TNFSF4: variants seen among roughly 807,000 people sequenced by gnomAD.
TNFSF4 encodes TNF superfamily member 4.
A neutral mutation model predicts 7.3 loss-of-function variants in TNFSF4; 4 were observed. That is an observed-to-expected ratio of 0.55 (90% CI 0.27 to 1.25). TNFSF4 has a LOEUF of 1.25. Ranked by LOEUF, TNFSF4 falls within the 50% of genes most tolerant of loss-of-function variation. The pLI, the probability that TNFSF4 is intolerant of heterozygous loss-of-function variation, is 0.12. For synonymous variants in TNFSF4, 76 were observed against 83.7 expected, an observed-to-expected ratio of 0.91 and a Z score of 0.50; for missense variants, 181 against 208.8, an observed-to-expected ratio of 0.87 and a Z score of 0.82.
chr1:173,215,808 C>T, the TNFSF4 span, among the ~76,000 whole-genome samples: 1 of 152,136 alleles, frequency 6.6e-6, no homozygotes, highest in African/African-American at 2.4e-5. Context: ...ATGGGATTTA[C>T]CTCTTGGGGT....
the TNFSF4 span, among the ~76,000 whole-genome samples, chr1:173,303,658 G>C: frequency 6.6e-6 from 1 of 151,722 alleles, no homozygotes; most frequent in Non-Finnish European, 1.5e-5. Context: ...AGTGAATAAC[G>C]TAAAAAACAT....
downstream of TNFSF4, among the ~76,000 whole-genome samples, chr1:173,180,801 T>A (rs183179816): frequency 2.0e-5 from 3 of 152,314 alleles, no homozygotes; most frequent in Admixed American, 1.3e-4. Flanking sequence ...TTGAAGTGCA[T>A]CTAGGTAATG....
At chr1:173,210,118 T>TA (rs556575284), upstream of TNFSF4, among the ~76,000 whole-genome samples, 212 of 151,926 alleles carry the variant, frequency 1.4e-3, 2 homozygotes, top group African/African-American at 4.4e-3. Flanking sequence ...TTTTTGGTGA[T>TA]AAAAAAAATC....
Position 173,197,602 on chromosome 1 carries a change from C to A in TNFSF4, c.154-9033G>T, listed in dbSNP as rs150208773. 4.0e-3 allele frequency among the ~76,000 whole-genome samples: 609 copies of A among 152,220 alleles called. 9 individuals carry two copies. The highest frequency in any genetic ancestry group is 0.025 in the South Asian group (122 of 4,818). ...AACTAACACAGGAACAGAAAAACAC[C>A]GCATGTTCTCACTTATAAGTGGGAG... is the stretch of plus-strand genomic sequence containing the variant. On this transcript the variant is annotated intron_variant, in intron 1 of 2. Coordinates refer to ENST00000281834, the MANE Select transcript of TNFSF4 (RefSeq NM_003326.5).
At chr1:173,364,142 AATAAAAATATC>A in the TNFSF4 span, among the ~76,000 whole-genome samples, 1 of 151,726 alleles carries the variant, frequency 6.6e-6, no homozygotes, top group Non-Finnish European at 1.5e-5. Context: ...ATAGGGAAAG[AATAAAAATATC>A]CTAAATGTCT....
the TNFSF4 span, among the ~76,000 whole-genome samples, chr1:173,357,600 C>T: frequency 2.6e-5 from 4 of 151,972 alleles, no homozygotes; most frequent in East Asian, 5.8e-4. Flanking sequence ...GGTGCAATGT[C>T]GGCTCACTGC....
At chr1:173,188,436 G>T (rs1208459032) in intron 2 of TNFSF4, 85 bp downstream of exon 2, 2 of 1,068,594 alleles carry the variant, frequency 1.9e-6, no homozygotes, top group Non-Finnish European at 2.8e-6. Context: ...GAAAAGAAGA[G>T]ATCTTGTGTT....
At chr1:173,220,250 G>A in the TNFSF4 span, among the ~76,000 whole-genome samples, 30,671 of 151,930 alleles carry the variant, frequency 0.2, 3,223 homozygotes, top group Middle Eastern at 0.26. Flanking sequence ...GGATCTCAGG[G>A]CTCAGAATAT....
chr1:173,381,455 G>A, the TNFSF4 span, among the ~76,000 whole-genome samples: 12 of 152,160 alleles, frequency 7.9e-5, no homozygotes, highest in Non-Finnish European at 1.8e-4. Context: ...CAGCCATCTT[G>A]CTATTACTTG....
the TNFSF4 span, among the ~76,000 whole-genome samples, chr1:173,409,787 AG>A: frequency 6.6e-6 from 1 of 152,262 alleles, no homozygotes; most frequent in African/African-American, 2.4e-5. Context: ...CGCTGGCAGG[AG>A]GATGAAGGGG....
chr1:173,381,348 C>T, the TNFSF4 span, among the ~76,000 whole-genome samples: 3 of 152,204 alleles, frequency 2.0e-5, no homozygotes, highest in Non-Finnish European at 4.4e-5. Context: ...CCGACATTTA[C>T]AGGAAAAGGC....
the TNFSF4 span, among the ~76,000 whole-genome samples, chr1:173,358,409 G>GA: frequency 6.6e-6 from 1 of 152,112 alleles, no homozygotes; most frequent in African/African-American, 2.4e-5. Context: ...AAAATGAAAA[G>GA]AAAAAATATT....
the TNFSF4 span, among the ~76,000 whole-genome samples, chr1:173,430,986 A>G: frequency 6.6e-6 from 1 of 152,226 alleles, no homozygotes; most frequent in South Asian, 2.1e-4. Flanking sequence ...CCAAAGTGGT[A>G]AATTTGAATT....
the TNFSF4 span, among the ~76,000 whole-genome samples, chr1:173,257,111 T>C: frequency 2.6e-5 from 4 of 152,368 alleles, no homozygotes; most frequent in Middle Eastern, 3.4e-3. Context: ...CACTATCCAA[T>C]GCTTCTACTT....
the TNFSF4 span, among the ~76,000 whole-genome samples, chr1:173,336,041 C>T: frequency 1.3e-5 from 2 of 152,158 alleles, no homozygotes. Context: ...AGTCCTGACC[C>T]CATCATGTAG....
chr1:173,224,238 C>T, the TNFSF4 span, among the ~76,000 whole-genome samples: 6 of 152,156 alleles, frequency 3.9e-5, no homozygotes, highest in African/African-American at 1.4e-4. Context: ...AACTAGAAGA[C>T]TAGATGTACG....
intron 1 of TNFSF4, among the ~76,000 whole-genome samples, chr1:173,190,048 TA>T (rs11389771): frequency 0.17 from 22,419 of 128,228 alleles, 2,655 homozygotes; most frequent in African/African-American, 0.36. Flanking sequence ...CATCTCTGCT[TA>T]AAAAAAAAAA....
chr1:173,377,713 C>G, the TNFSF4 span, among the ~76,000 whole-genome samples: 1 of 152,198 alleles, frequency 6.6e-6, no homozygotes, highest in Non-Finnish European at 1.5e-5. Context: ...CACCTGGGCT[C>G]ACTAACCAGA....
the TNFSF4 span, among the ~76,000 whole-genome samples, chr1:173,286,257 A>G: frequency 0.95 from 144,540 of 152,256 alleles, 68,655 homozygotes; most frequent in Middle Eastern, 0.96. Flanking sequence ...ATTGAGAAGC[A>G]AATTCTAAAA....
Sources: gnomAD v4.1 joint callset for allele counts (sites outside exome capture counted in the v4.1 genomes callset) on GRCh38, gnomAD v4.1.1 for gene constraint, MANE v1.5 for transcripts, NCBI Gene and HGNC (gene_info 2026-07-23, HGNC 2026-07-21) for gene names.